MAST2: variants seen among roughly 807,000 people sequenced by gnomAD.
MAST2 encodes the protein microtubule associated serine/threonine kinase 2.
A neutral mutation model predicts 147.4 loss-of-function variants in MAST2; 70 were observed. That is an observed-to-expected ratio of 0.47 (90% CI 0.39 to 0.58). MAST2 has a LOEUF of 0.58. MAST2 is among the 20% of genes least tolerant of loss of function. The probability of loss-of-function intolerance (pLI) is 0.00; values close to 1 mark genes in which losing one functional copy is unlikely to be tolerated. For missense variants in MAST2, 2,080 were observed against 2,302.3 expected (o/e 0.90, Z 1.98); for synonymous variants, 869 against 896.8 (o/e 0.97, Z 0.55).
intron 9 of MAST2, among the ~76,000 whole-genome samples, chr1:46,010,281 C>T (rs1645659271): frequency 6.6e-6 from 1 of 152,196 alleles, no homozygotes; most frequent in African/African-American, 2.4e-5. Context: ...ACCCATTTGC[C>T]TGGGGAAATG....
intron 4 of MAST2, among the ~76,000 whole-genome samples, chr1:45,929,377 A>G (rs1654911740): frequency 1.3e-5 from 2 of 152,220 alleles, no homozygotes; most frequent in Middle Eastern, 3.4e-3. Flanking sequence ...GTTTGCCCAG[A>G]GCAGCAGGGG....
intron 1 of MAST2, among the ~76,000 whole-genome samples, chr1:45,818,790 C>T (rs1644533176): frequency 6.6e-6 from 1 of 152,148 alleles, no homozygotes; most frequent in Non-Finnish European, 1.5e-5. Context: ...TGAGTTGTCT[C>T]CTTTGCTTTA....
rs898772893 is a variant in MAST2, at chr1:46,035,131, C to T, written c.4462C>T (p.Arg1488Ter). 3.7e-6 allele frequency: 6 copies of T among 1,613,646 alleles called. No homozygotes were observed. The East Asian group carries it at 6.7e-5, about 18-fold the overall frequency. Reference protein sequence around the residue: ...LGTLRQDRAERRESLQKQEAI... With the variant: ...LGTLRQDRAE ...CACCCTCCGGCAGGACCGAGCCGAA[C>T]GACGGGAGTCGCTGCAGAAGCAAGA... The change falls in exon 29 of 29, where the codon CGA becomes TGA. Residue 1488 changes from arginine (R) to a stop codon, truncating the protein, a stop_gained. Coordinates refer to ENST00000361297, the MANE Select transcript of MAST2 (RefSeq NM_015112.3). LOFTEE classifies it low-confidence loss of function (END_TRUNC). This position sits in a 1 kb window ranked among gnomAD's most constrained non-coding sequence, Gnocchi z 5.5.
intron 1 of MAST2, among the ~76,000 whole-genome samples, chr1:45,820,547 A>G (rs1287871614): frequency 1.3e-5 from 2 of 152,176 alleles, no homozygotes; most frequent in East Asian, 3.8e-4. Context: ...GGCAGATTAC[A>G]TCTTTATTCA....
At position 45,886,958 on chromosome 1, in the gene MAST2, G is replaced by C. The variant is rs1020249151; in HGVS notation, c.500+4563G>C. On this transcript the variant is annotated intron_variant, in intron 4 of 28. Transcript: ENST00000361297. The stretch of plus-strand genomic sequence containing the variant: ...TCTTCCCATCACAGCCTCCTGAGTA[G>C]CTGGCACCACAGGCACCTGCCACCA... Among the ~76,000 whole-genome samples, 3 of 152,258 alleles carry C rather than the reference G, an allele frequency of 2.0e-5. No homozygotes were observed. In the South Asian group the frequency reaches 6.2e-4, roughly 32 times the overall value.
At chr1:45,918,847 T>A (rs1652990582) in intron 4 of MAST2, among the ~76,000 whole-genome samples, 1 of 152,134 alleles carries the variant, frequency 6.6e-6, no homozygotes, top group South Asian at 2.1e-4. Flanking sequence ...GCGCAGTGGC[T>A]TACACCTGTA....
At chr1:45,810,293 T>A (rs1644252663) in intron 1 of MAST2, among the ~76,000 whole-genome samples, 1 of 152,182 alleles carries the variant, frequency 6.6e-6, no homozygotes, top group Non-Finnish European at 1.5e-5. Flanking sequence ...ACAGAAATTT[T>A]AAAAAATTAT....
Position 46,000,128 on chromosome 1 carries a change from AC to A in MAST2, c.668+2330del, listed in dbSNP as rs538093467. Among the ~76,000 whole-genome samples, 77 of 152,326 alleles carry A rather than the reference AC, an allele frequency of 5.1e-4. 2 individuals are homozygous for A. Among genetic ancestry groups the A allele is most frequent in the African/African-American group, 1.8e-3 (76 of 41,586 alleles). The stretch of plus-strand genomic sequence containing the variant: ...CGGGAGATTGAGACCAGCCTGGCCA[AC>A]ATGGTGAAACACCATCTCTACTAAA... On this transcript the variant is annotated intron_variant, in intron 6 of 28. Coordinates refer to ENST00000361297, the MANE Select transcript of MAST2 (RefSeq NM_015112.3).
chr1:45,913,941 T>A, intron 4 of MAST2: 1 of 1,077,876 alleles, frequency 9.3e-7, no homozygotes, highest in Non-Finnish European at 1.2e-6. Context: ...TAATGCCAAC[T>A]AACACAGCTT....
rs999468024 is a variant in MAST2, at chr1:46,029,870, G to A, written c.2360G>A (p.Gly787Asp). ...GTGAAGCAGCACCCATTCTTTACTG[G>A]TCTGGACTGGACAGGACTTCTCCGC... ...YEVKQHPFFT[G>D]LDWTGLLRQK... The change falls in exon 20 of 29, where the codon GGT (glycine) becomes GAT (aspartate). Residue 787 changes from glycine to aspartate, a missense_variant. Physicochemically the swap from Gly to Asp is moderately conservative, Grantham distance 94. Around this residue, in one of 4 missense-constraint regions of MAST2, gnomAD observed 209 missense variants for 309.5 expected, o/e 0.68. Coordinates refer to ENST00000361297, the MANE Select transcript of MAST2 (RefSeq NM_015112.3). The A allele has an allele frequency of 6.2e-7, 1 of 1,614,180 alleles. No individual in the cohort carries two copies. The highest frequency in any genetic ancestry group is 8.5e-7 in the Non-Finnish European group (1 of 1,180,034).
chr1:45,986,737 A>T (rs2149090735), intron 5 of MAST2, among the ~76,000 whole-genome samples: 1 of 146,092 alleles, frequency 6.8e-6, no homozygotes, highest in East Asian at 2.0e-4. Context: ...AAAAAAAAAA[A>T]GAATATTCTT....
intron 4 of MAST2, among the ~76,000 whole-genome samples, chr1:45,933,237 G>T (rs1192333336): frequency 2.8e-5 from 2 of 71,436 alleles, no homozygotes; most frequent in South Asian, 9.2e-4. Context: ...AAAAAAAAAA[G>T]CGGGGGGGTT....
chr1:45,814,753 C>T (rs1644402839), intron 1 of MAST2, among the ~76,000 whole-genome samples: 1 of 152,226 alleles, frequency 6.6e-6, no homozygotes, highest in Non-Finnish European at 1.5e-5. Flanking sequence ...CGCCATTGCA[C>T]TCCAGCCTGG....
intron 6 of MAST2, among the ~76,000 whole-genome samples, chr1:45,999,428 G>C (rs1368206456): frequency 6.6e-6 from 1 of 152,198 alleles, no homozygotes; most frequent in African/African-American, 2.4e-5. Flanking sequence ...TGTACTCTCA[G>C]AGTAGGTACG....
intron 5 of MAST2, among the ~76,000 whole-genome samples, chr1:45,960,203 A>G (rs1660221422): frequency 6.6e-6 from 1 of 152,130 alleles, no homozygotes; most frequent in East Asian, 1.9e-4. Flanking sequence ...CATGGCTCTG[A>G]AGAATAGATA....
intron 4 of MAST2, among the ~76,000 whole-genome samples, chr1:45,919,175 G>A (rs916818125): frequency 3.9e-5 from 6 of 152,100 alleles, no homozygotes; most frequent in Admixed American, 6.6e-5. Flanking sequence ...CACTAGGTAA[G>A]AGACAATGGT....
chr1:45,845,456 TG>T, intron 3 of MAST2, among the ~76,000 whole-genome samples: 1 of 152,362 alleles, frequency 6.6e-6, no homozygotes, highest in East Asian at 1.9e-4. Flanking sequence ...ACAGCATTAA[TG>T]TTTTTATTAT....
chr1:45,989,599 A>G (rs551829646), intron 5 of MAST2, among the ~76,000 whole-genome samples: 1 of 151,214 alleles, frequency 6.6e-6, no homozygotes, highest in Admixed American at 6.6e-5. Flanking sequence ...CAAGGCTTAA[A>G]TTTTTTTTTC....
intron 5 of MAST2, among the ~76,000 whole-genome samples, chr1:45,986,322 A>G (rs1020914634): frequency 1.3e-5 from 2 of 152,162 alleles, no homozygotes; most frequent in African/African-American, 2.4e-5. Flanking sequence ...TAATGTAGTG[A>G]CTTATATTGA....
Sources: gnomAD v4.1 joint callset for allele counts (sites outside exome capture counted in the v4.1 genomes callset) on GRCh38, gnomAD v4.1.1 for gene constraint, gnomAD v4.1.1 regional missense constraint, Gnocchi (gnomAD v3.1) non-coding constraint, MANE v1.5 for transcripts, NCBI Gene and HGNC (gene_info 2026-07-23, HGNC 2026-07-21) for gene names.